ALAS2: variants seen among roughly 807,000 people sequenced by gnomAD.
ALAS2 encodes 5-aminolevulinate synthase, erythroid-specific, mitochondrial.
In ALAS2, 3 loss-of-function variants were observed where a neutral mutation model predicts 33.7. The ratio of observed to expected loss-of-function variants is 0.09; its 90% CI spans 0.04 to 0.23. The LOEUF (loss-of-function observed/expected upper bound fraction) is 0.23. Among genes scored for constraint, ALAS2 ranks in the 10% least tolerant of loss-of-function variants. ALAS2 has a pLI of 1.00. For missense variants in ALAS2, 304 were observed against 475.1 expected (o/e 0.64, Z 3.35); for synonymous variants, 191 against 177.3 (o/e 1.08, Z -0.61).
chrX:55,016,103 T>C (rs769908714), intron 7 of ALAS2, among the ~76,000 whole-genome samples: 13 of 109,740 alleles, frequency 1.2e-4, no homozygotes, highest in Non-Finnish European at 2.3e-4. Context: ...ACAATGTCTA[T>C]TTTCCTGTTT....
chrX:55,009,377 G>A, intron 10 of ALAS2, 34 bp from the exon 11 acceptor site: 1 of 1,167,296 alleles, frequency 8.6e-7, no homozygotes. Context: ...GGGAAAAAAT[G>A]GGTTAGACTA....
chrX:55,022,227 A>G (rs753143357), intron 4 of ALAS2, among the ~76,000 whole-genome samples: 33 of 112,525 alleles, frequency 2.9e-4, no homozygotes, highest in Non-Finnish European at 5.4e-4. Context: ...TGGAGGTGCA[A>G]ACTGGTAACA....
chrX:55,019,970 T>C (rs1360594317), intron 6 of ALAS2, among the ~76,000 whole-genome samples: 1 of 111,369 alleles, frequency 9.0e-6, no homozygotes, highest in Non-Finnish European at 1.9e-5. Flanking sequence ...GAGGAGAAGG[T>C]AGTCAGAGGT....
intron 1 of ALAS2, among the ~76,000 whole-genome samples, chrX:55,029,951 C>G (rs1388505446): frequency 1.2e-5 from 1 of 83,131 alleles, no homozygotes; most frequent in Non-Finnish European, 2.3e-5. Context: ...TCCTTGTCCC[C>G]CACCCCCCCA....
intron 10 of ALAS2, among the ~76,000 whole-genome samples, chrX:55,009,677 A>T (rs778191440): frequency 9.0e-6 from 1 of 110,930 alleles, no homozygotes; most frequent in South Asian, 3.9e-4. Flanking sequence ...GACAATGATA[A>T]TGACAGTAAC....
chrX:55,014,292 C>A (rs1302260796), intron 9 of ALAS2, among the ~76,000 whole-genome samples: 1 of 111,804 alleles, frequency 8.9e-6, no homozygotes. Flanking sequence ...ACACCGTGAC[C>A]ATAAACGCAC....
rs1602252265 is a variant in ALAS2 at position 55,024,833 on chromosome X, T to C, written c.189A>G (p.Pro63=). ...LKATKAGGDS[P]SWAKGHCPFM... ...AGGGACAGTGGCCCTTCGCCCAAGA[T>C]GGAGAATCTATGCAAAGGTAAGAGA... The change falls in exon 3 of 11, where the codon CCA becomes CCG. Residue 63 remains proline, a synonymous_variant. Coordinates refer to ENST00000650242, the MANE Select transcript of ALAS2 (RefSeq NM_000032.5). 8.3e-7 allele frequency: 1 copy of C among 1,211,522 alleles called. No individual in the cohort carries two copies. The highest frequency in any genetic ancestry group is 1.1e-6 in the Non-Finnish European group (1 of 895,276).
intron 1 of ALAS2, among the ~76,000 whole-genome samples, chrX:55,030,380 TCACCCCCA>T (rs1186469536): frequency 9.0e-6 from 1 of 111,419 alleles, no homozygotes; most frequent in Non-Finnish European, 1.9e-5. Context: ...ATCATTCCCA[TCACCCCCA>T]CATCCTCTTA....
intron 1 of ALAS2, among the ~76,000 whole-genome samples, chrX:55,029,972 G>A (rs1403583989): frequency 6.3e-5 from 4 of 63,101 alleles, no homozygotes; most frequent in Non-Finnish European, 1.1e-4. Flanking sequence ...CCCCTTTTGT[G>A]GCCTGCTTTG....
chrX:55,030,886 C>A (rs993447399), intron 1 of ALAS2, 56 bp downstream of exon 1: 2 of 336,952 alleles, frequency 5.9e-6, no homozygotes, highest in Non-Finnish European at 1.2e-5. Context: ...GTGTACAGCC[C>A]TGAGAGACCA....
intron 1 of ALAS2, among the ~76,000 whole-genome samples, 161 bp downstream of exon 1, chrX:55,030,779 GAA>G (rs775240628): frequency 1.4e-4 from 16 of 111,231 alleles, no homozygotes; most frequent in Non-Finnish European, 2.5e-4. Context: ...AGGAAAGACA[GAA>G]AGAGACATGG....
At chrX:55,023,711 G>A (rs1450316691) in intron 4 of ALAS2, 46 bp downstream of exon 4, 4 of 1,057,515 alleles carry the variant, frequency 3.8e-6, no homozygotes, top group Non-Finnish European at 5.3e-6. Flanking sequence ...CTTTCAGAAT[G>A]CCTTCCCTAT....
In ALAS2 at chrX:55,013,796, C is replaced by A. The variant is rs1268778069; in HGVS notation, c.1438-148G>T. 3 of 650,720 alleles carry A rather than the reference C, an allele frequency of 4.6e-6. No individual in the cohort carries two copies. The African/African-American group carries it at 6.6e-5, about 14-fold the overall frequency. The allele number at this position is 650,720 out of a possible 1,213,427, so 53.6% of individuals were successfully genotyped here. On this transcript the variant is annotated intron_variant, in intron 9 of 10. Transcript: ENST00000650242. The stretch of plus-strand genomic sequence containing the variant: ...TTCCATTAGGGGCTTAGTGGCAGCT[C>A]CAGAATTTCTATCAAGGAGGAGCTC...
At chrX:55,016,549 C>T (rs1935707528) in intron 7 of ALAS2, among the ~76,000 whole-genome samples, 1 of 111,518 alleles carries the variant, frequency 9.0e-6, no homozygotes, top group South Asian at 3.8e-4. Flanking sequence ...TGTGTATAGT[C>T]ATTACATGCC....
At chrX:55,015,100 G>T (rs1935676793) in intron 8 of ALAS2, 85 bp from the exon 9 acceptor site, 1 of 1,064,591 alleles carries the variant, frequency 9.4e-7, no homozygotes, top group Non-Finnish European at 1.3e-6. Context: ...ACACAAGGGG[G>T]TGCACCAGAA....
intron 1 of ALAS2, among the ~76,000 whole-genome samples, chrX:55,027,501 G>C (rs1336324228): frequency 9.0e-6 from 1 of 110,917 alleles, no homozygotes; most frequent in Non-Finnish European, 1.9e-5. Context: ...CAGATGTAAA[G>C]AAAAAGGGCA....
At chrX:55,021,757 A>G (rs1935810094) in intron 4 of ALAS2, among the ~76,000 whole-genome samples, 1 of 112,334 alleles carries the variant, frequency 8.9e-6, no homozygotes, top group African/African-American at 3.2e-5. Context: ...AACATGTAAT[A>G]TATTCAAACT....
chrX:55,012,748 G>T (rs1003819102), intron 10 of ALAS2, among the ~76,000 whole-genome samples: 1 of 112,347 alleles, frequency 8.9e-6, no homozygotes, highest in Non-Finnish European at 1.9e-5. Flanking sequence ...AGCCAAGATC[G>T]TGCCACTGCA....
chrX:55,029,948 C>A (rs983824), intron 1 of ALAS2, among the ~76,000 whole-genome samples: 1 of 82,189 alleles, frequency 1.2e-5, no homozygotes, highest in Non-Finnish European at 2.3e-5. Flanking sequence ...CATTCCTTGT[C>A]CCCCACCCCC....
Sources: allele counts gnomAD v4.1 joint callset (sites outside exome capture counted in the v4.1 genomes callset), GRCh38; gene constraint gnomAD v4.1.1; transcripts MANE v1.5; gene names NCBI Gene and HGNC (gene_info 2026-07-23, HGNC 2026-07-21).